RHCE: variants seen among roughly 807,000 people sequenced by gnomAD.
The protein encoded by RHCE is Rh blood group CcEe antigens.
RHCE carries 22 observed loss-of-function variants against 43.8 expected under a neutral mutation model. The observed-to-expected ratio is 0.50, with a 90% CI of 0.36 to 0.72. The LOEUF (loss-of-function observed/expected upper bound fraction) is 0.72, where lower values mean the gene tolerates loss of function less well. Among genes scored for constraint, RHCE ranks in the 30% least tolerant of loss-of-function variants. The pLI is 0.00. For missense variants in RHCE, 385 were observed against 525.4 expected, an observed-to-expected ratio of 0.73 and a Z score of 2.61; for synonymous variants, 156 against 210.7, an observed-to-expected ratio of 0.74 and a Z score of 2.25.
At chr1:25,428,274 T>C (rs1452376466) in intron 2 of RHCE, among the ~76,000 whole-genome samples, 1 of 152,210 alleles carries the variant, frequency 6.6e-6, no homozygotes, top group Non-Finnish European at 1.5e-5. Context: ...GATATTCAAG[T>C]CTGGGGTTCC....
At chr1:25,418,503 A>G (rs1055653927) in intron 1 of RHCE, among the ~76,000 whole-genome samples, 14 of 152,094 alleles carry the variant, frequency 9.2e-5, no homozygotes, top group African/African-American at 3.1e-4. Context: ...GGGTTTTGCC[A>G]TGTTGGCCAG....
At chr1:25,399,090 G>A in intron 3 of RHCE, 1 of 1,594,810 alleles carries the variant, frequency 6.3e-7, no homozygotes. Context: ...GCAGAAAGCT[G>A]CCAAGGCAGG....
chr1:25,374,181 C>T (rs1032924111), intron 8 of RHCE, among the ~76,000 whole-genome samples: 63 of 147,876 alleles, frequency 4.3e-4, no homozygotes, highest in African/African-American at 1.4e-3. Context: ...CTCTGCCTCC[C>T]GGGTTTAAGC....
At chr1:25,406,246 CGTGCGTGTGTGTGT>C (rs1233210583) in intron 2 of RHCE, among the ~76,000 whole-genome samples, 7 of 88,456 alleles carry the variant, frequency 7.9e-5, no homozygotes, top group African/African-American at 4.1e-4. Context: ...TGCGTGCGTG[CGTGCGTGTGTGTGT>C]GTGTGTGTGT....
upstream of RHCE, among the ~76,000 whole-genome samples, chr1:25,424,793 T>C (rs1203094806): frequency 2.0e-5 from 3 of 152,130 alleles, no homozygotes; most frequent in African/African-American, 4.8e-5. Flanking sequence ...CTTACTAGCA[T>C]CTGACGAAGT....
chr1:25,388,371 G>A (rs1184614602), intron 6 of RHCE, among the ~76,000 whole-genome samples: 1 of 133,390 alleles, frequency 7.5e-6, no homozygotes, highest in Non-Finnish European at 1.6e-5. Flanking sequence ...ACACGACCTG[G>A]ACCATCAGCC....
chr1:25,368,885 C>G (rs912352831), intron 9 of RHCE, among the ~76,000 whole-genome samples: 1 of 151,724 alleles, frequency 6.6e-6, no homozygotes, highest in African/African-American at 2.4e-5. Context: ...CTCAGCCTCC[C>G]GAGTAGCCGG....
chr1:25,396,360 G>T lies in RHCE; in HGVS notation c.487-4219C>A, dbSNP rs555131467. ...AAAAAATTGGTGAAATGAGAATAAG[G>T]TAATCATAATATATCAATGTCAATT... On this transcript the variant is annotated intron_variant, in intron 3 of 9. Transcript: ENST00000294413. Among the ~76,000 whole-genome samples the T allele has an allele frequency of 2.2e-4, 34 of 152,218 alleles. No individual in the cohort carries two copies. The South Asian group carries it at 6.4e-3, about 29-fold the overall frequency.
At chr1:25,423,935 G>C (rs1343184120), upstream of RHCE, among the ~76,000 whole-genome samples, 4 of 152,148 alleles carry the variant, frequency 2.6e-5, no homozygotes, top group Non-Finnish European at 5.9e-5. Context: ...CCTCCTACCA[G>C]ATACAGATGG....
chr1:25,429,985 C>G (rs941466902), exon 1 of RHCE: 2 of 152,070 alleles, frequency 1.3e-5, no homozygotes, highest in Non-Finnish European at 2.9e-5. Flanking sequence ...GAGTACGAAG[C>G]GTGAAGGGTC....
In RHCE at chr1:25,394,196, C is replaced by T. The variant is rs568737174; in HGVS notation, c.487-2055G>A. On this transcript the variant is annotated intron_variant, in intron 3 of 9. Transcript: ENST00000294413. ...TAGAGACGGGGTTTCACCATGTTCC[C>T]CAGCCTGGTCTCGAACTCCTGACCT... is the stretch of plus-strand genomic sequence containing the variant. Among the ~76,000 whole-genome samples the T allele has an allele frequency of 2.1e-3, 313 of 152,158 alleles. 1 individual carries two copies. The highest frequency in any genetic ancestry group is 6.7e-3 in the African/African-American group (279 of 41,514).
intron 1 of RHCE, 81 bp downstream of exon 1, chr1:25,420,558 G>A: frequency 1.2e-6 from 2 of 1,612,890 alleles, no homozygotes; most frequent in East Asian, 2.2e-5. Context: ...AGGAACATCT[G>A]TGCCCCTGGA....
rs1043324793 is a variant in RHCE, at chr1:25,362,268, T to C, written c.*259A>G. Reference sequence around the variant, plus strand: ...TGTCAATAAAATTAACCCAAAACTTTAATAATGTGTCTGTAACCAAGAAAA... The same window carrying C: ...TGTCAATAAAATTAACCCAAAACTTCAATAATGTGTCTGTAACCAAGAAAA... On this transcript the variant is annotated 3_prime_UTR_variant, in exon 10 of 10. Coordinates refer to ENST00000294413, the MANE Select transcript of RHCE (RefSeq NM_020485.8). The C allele has an allele frequency of 5.4e-6, 4 of 745,332 alleles. No homozygotes were observed. The African/African-American group carries it at 7.1e-5, about 13-fold the overall frequency. The allele number at this position is 745,332 out of a possible 1,614,324, so 46.2% of individuals were successfully genotyped here.
chr1:25,392,562 C>CTT lies in RHCE; in HGVS notation c.487-423_487-422dup, dbSNP rs1211993147. The stretch of plus-strand genomic sequence containing the variant: ...AGGCATGAGCCACTGTGCCCGGCCT[C>CTT]TTTTTTTTTTTTTTTTTTTTTTTTT... On this transcript the variant is annotated intron_variant, in intron 3 of 9. Coordinates refer to ENST00000294413, the MANE Select transcript of RHCE (RefSeq NM_020485.8). 4.9e-3 allele frequency among the ~76,000 whole-genome samples: 326 copies of CTT among 66,418 alleles called. 24 individuals carry two copies. The highest frequency in any genetic ancestry group is 6.7e-3 in the Non-Finnish European group (246 of 36,692). 43.6% of individuals were successfully genotyped at this position (66,418 alleles called of 152,430 possible). A position where few individuals can be genotyped will look rare whatever the true frequency, so the allele number is the denominator to read the frequency against.
intron 1 of RHCE, among the ~76,000 whole-genome samples, chr1:25,420,269 T>C (rs947810186): frequency 3.9e-5 from 6 of 152,164 alleles, no homozygotes; most frequent in Admixed American, 2.6e-4. Context: ...ATAAGCTAGC[T>C]GCACTTGTAT....
chr1:25,383,965 T>C (rs148033175), intron 7 of RHCE, among the ~76,000 whole-genome samples: 6 of 152,302 alleles, frequency 3.9e-5, no homozygotes, highest in African/African-American at 1.2e-4. Flanking sequence ...AAACCACTGA[T>C]TGGCTTTTTC....
intron 2 of RHCE, among the ~76,000 whole-genome samples, chr1:25,428,337 C>T (rs548710741): frequency 3.9e-5 from 6 of 152,338 alleles, no homozygotes; most frequent in Admixed American, 2.6e-4. Context: ...CGCTCCCCAA[C>T]GCCTTTAAGC....
Position 25,392,601 on chromosome 1 carries a change from T to C in RHCE, c.487-460A>G, listed in dbSNP as rs1345583343. On this transcript the variant is annotated intron_variant, in intron 3 of 9. Transcript: ENST00000294413. The stretch of plus-strand genomic sequence containing the variant: ...TTTTTTTTTTTTTGAGACAGAGTCT[T>C]GCTCCATTGCTCAAGCTGGAGTGCA... Among the ~76,000 whole-genome samples, 4 of 128,454 alleles carry C rather than the reference T, an allele frequency of 3.1e-5. No homozygotes were observed. The East Asian group carries it at 8.2e-4, about 26-fold the overall frequency. 84.3% of individuals were successfully genotyped at this position (128,454 alleles called of 152,430 possible).
chr1:25,384,210 A>G (rs1646082943), intron 7 of RHCE, among the ~76,000 whole-genome samples: 2 of 150,976 alleles, frequency 1.3e-5, no homozygotes, highest in South Asian at 4.2e-4. Flanking sequence ...TAGGCAGCCC[A>G]CAAGCAGAAT....
Sources: allele counts gnomAD v4.1 joint callset (sites outside exome capture counted in the v4.1 genomes callset), GRCh38; gene constraint gnomAD v4.1.1; transcripts MANE v1.5; gene names NCBI Gene and HGNC (gene_info 2026-07-23, HGNC 2026-07-21).